The following RP1L1 variants were observed in gnomAD, a reference collection of about 807,000 sequenced individuals.
The protein encoded by RP1L1 is RP1 like 1, also known as retinitis pigmentosa 1-like 1 protein.
RP1L1 carries 27 observed loss-of-function variants against 15.7 expected under a neutral mutation model. The observed-to-expected ratio is 1.72, with a 90% CI of 1.27 to 2.38. The LOEUF (loss-of-function observed/expected upper bound fraction) is 2.38, where lower values mean the gene tolerates loss of function less well. Among genes scored for constraint, RP1L1 ranks in the 30% most tolerant of loss-of-function variants. The probability of loss-of-function intolerance (pLI) is 0.00; values close to 1 mark genes in which losing one functional copy is unlikely to be tolerated. For synonymous variants in RP1L1, 1,813 were observed against 1,276.7 expected (o/e 1.42, Z -8.96); for missense variants, 4,798 against 3,075.9 (o/e 1.56, Z -13.24).
chr8:10,652,486 T>C (rs1376356094), intron 1 of RP1L1, among the ~76,000 whole-genome samples: 1 of 152,174 alleles, frequency 6.6e-6, no homozygotes, highest in African/African-American at 2.4e-5. Context: ...CTAATATTCC[T>C]TCCTGCTGGG....
chr8:10,654,109 A>G (rs1798603877), intron 1 of RP1L1, among the ~76,000 whole-genome samples: 2 of 152,120 alleles, frequency 1.3e-5, no homozygotes, highest in African/African-American at 4.8e-5. Context: ...TGGGCCATGG[A>G]TCTCTGCTCA....
rs1383127074 is a variant in RP1L1, at chr8:10,607,279, AG to A, written c.6818del (p.Pro2273LeufsTer126). On this transcript the variant is annotated frameshift_variant, in exon 4 of 4. Coordinates refer to ENST00000382483, the MANE Select transcript of RP1L1 (RefSeq NM_178857.6). LOFTEE classifies it low-confidence loss of function (END_TRUNC). ...AAGGGGGTGGAGTGGGCCTGTCCTC[AG>A]GGACTGGGCTGCTGCTTTCAGAAGC... ...EEASESSSPV[P>X]EDRPTPPPSP... 2 of 1,614,216 alleles carry A rather than the reference AG, an allele frequency of 1.2e-6. No homozygotes were observed. The highest frequency in any genetic ancestry group is 1.7e-6 in the Non-Finnish European group (2 of 1,180,030).
In RP1L1 at chr8:10,607,273, G is replaced by T; in HGVS notation, c.6825C>A (p.Asp2275Glu). 3 of 1,614,226 alleles carry T rather than the reference G, an allele frequency of 1.9e-6. No individual in the cohort carries two copies. The highest frequency in any genetic ancestry group is 2.5e-6 in the Non-Finnish European group (3 of 1,180,036). The change falls in exon 4 of 4, where the codon GAC becomes GAA. Residue 2275 changes from aspartate to glutamate, a missense_variant. Asp to Glu is a conservative substitution (Grantham distance 45). Transcript: ENST00000382483. Reference sequence around the variant, plus strand: ...CTGGGGAAGGGGGTGGAGTGGGCCTGTCCTCAGGGACTGGGCTGCTGCTTT... The same window carrying T: ...CTGGGGAAGGGGGTGGAGTGGGCCTTTCCTCAGGGACTGGGCTGCTGCTTT... Reference protein sequence around the residue: ...ASESSSPVPEDRPTPPPSPGG... With the variant: ...ASESSSPVPEERPTPPPSPGG...
In RP1L1 at chr8:10,612,595, C is replaced by G; in HGVS notation, c.1503G>C (p.Glu501Asp). ...AERKAGGSLG[E>D]DPGLCIDGAG... Reference sequence around the variant, plus strand: ...CTCCATCTATGCATAGGCCGGGGTCCTCACCCAGGCTCCCTCCAGCTTTCC... The same window carrying G: ...CTCCATCTATGCATAGGCCGGGGTCGTCACCCAGGCTCCCTCCAGCTTTCC... Residue 501 changes from glutamate (E) to aspartate (D), a missense_variant, in exon 4 of 4, where the codon GAG (glutamate) becomes GAC (aspartate). Physicochemically the swap from Glu to Asp is conservative, Grantham distance 45. Transcript: ENST00000382483. 1 of 1,603,626 alleles carries G rather than the reference C, an allele frequency of 6.2e-7. No individual in the cohort carries two copies. The highest frequency in any genetic ancestry group is 8.5e-7 in the Non-Finnish European group (1 of 1,179,476).
At position 10,607,346 on chromosome 8, in the gene RP1L1, C is replaced by A; in HGVS notation, c.6752G>T (p.Gly2251Val). Reference protein sequence around the residue: ...SEGETQGEKKGSPQVSLGDGQ... With the variant: ...SEGETQGEKKVSPQVSLGDGQ... ...ATCTCCTAGACTGACCTGAGGGCTC[C>A]CCTTTTTCTCACCTTGAGTTTCTCC... The change falls in exon 4 of 4, where the codon GGG becomes GTG. Residue 2251 changes from glycine (G) to valine (V), a missense_variant. Transcript: ENST00000382483. 6.2e-7 allele frequency: 1 copy of A among 1,614,130 alleles called. No individual in the cohort carries two copies. The highest frequency in any genetic ancestry group is 8.5e-7 in the Non-Finnish European group (1 of 1,179,978).
intron 1 of RP1L1, among the ~76,000 whole-genome samples, chr8:10,650,969 G>C (rs146364933): frequency 6.6e-6 from 1 of 152,236 alleles, no homozygotes; most frequent in Non-Finnish European, 1.5e-5. Context: ...AAGTGAGCAA[G>C]TGAAAGCTAA....
chr8:10,607,376 G>C lies in RP1L1; in HGVS notation c.6722C>G (p.Ser2241Ter), dbSNP rs1481218758. Reference protein sequence around the residue: ...PEAEGEAQPESEGETQGEKKG... With the variant: ...PEAEGEAQPE ...TTTCTCACCTTGAGTTTCTCCTTCT[G>C]ACTCTGGCTGGGCCTCCCCTTCAGC... The change falls in exon 4 of 4, where the codon TCA becomes TGA. Residue 2241 changes from serine (S) to a stop codon, truncating the protein, a stop_gained. Coordinates refer to ENST00000382483, the MANE Select transcript of RP1L1 (RefSeq NM_178857.6). LOFTEE classifies it low-confidence loss of function (END_TRUNC). The C allele has an allele frequency of 6.2e-7, 1 of 1,613,676 alleles. No individual in the cohort carries two copies. Among genetic ancestry groups the C allele is most frequent in the Admixed American group, 1.7e-5 (1 of 59,966 alleles).
Position 10,608,792 on chromosome 8 carries a change from G to A in RP1L1, c.5306C>T (p.Ala1769Val), listed in dbSNP as rs1370739607. The A allele has an allele frequency of 6.2e-7, 1 of 1,614,122 alleles. No homozygotes were observed. The highest frequency in any genetic ancestry group is 1.7e-5 in the Admixed American group (1 of 60,030). Residue 1769 changes from alanine to valine, a missense_variant, in exon 4 of 4, where the codon GCT becomes GTT. Coordinates refer to ENST00000382483, the MANE Select transcript of RP1L1 (RefSeq NM_178857.6). ...GTGGGTTTTCCCTTCTCTCTCCTGA[G>A]CCATTGCATCTCCCTCTGCCTCCCC... Reference protein sequence around the residue: ...KLGEAEGDAMAQEREGKTHNS... With the variant: ...KLGEAEGDAMVQEREGKTHNS...
chr8:10,623,423 C>T (rs1397265178), intron 1 of RP1L1, among the ~76,000 whole-genome samples: 1 of 152,128 alleles, frequency 6.6e-6, no homozygotes, highest in Non-Finnish European at 1.5e-5. Flanking sequence ...AACTCCAGCC[C>T]CGTGAATTGC....
In RP1L1 at chr8:10,611,824, G is replaced by C; in HGVS notation, c.2274C>G (p.Pro758=). 2 of 1,613,730 alleles carry C rather than the reference G, an allele frequency of 1.2e-6. No individual in the cohort carries two copies. The highest frequency in any genetic ancestry group is 1.1e-5 in the South Asian group (1 of 91,088). The change falls in exon 4 of 4, where the codon CCC becomes CCG. Residue 758 remains proline, a synonymous_variant. Transcript: ENST00000382483. ...CCGCGTCCCCTGCCCACCCGGCAGAGGGAGCGTTGTGCGGGGAGACTCCAG... is the reference window on the plus strand; with the variant it reads ...CCGCGTCCCCTGCCCACCCGGCAGACGGAGCGTTGTGCGGGGAGACTCCAG... ...FVSGVSPHNA[P]SAGWAGDAGS... is the part of the protein sequence containing the mutation.
intron 1 of RP1L1, among the ~76,000 whole-genome samples, chr8:10,624,352 G>A (rs560596035): frequency 3.3e-5 from 5 of 152,244 alleles, no homozygotes; most frequent in African/African-American, 1.2e-4. Flanking sequence ...AATAACAAAT[G>A]TTCTGATGTG....
Position 10,612,392 on chromosome 8 carries a change from C to T in RP1L1, c.1706G>A (p.Ser569Asn), listed in dbSNP as rs780688521. 3.2e-5 allele frequency: 52 copies of T among 1,612,692 alleles called. No homozygotes were observed. The highest frequency in any genetic ancestry group is 4.0e-5 in the Non-Finnish European group (47 of 1,180,042). ...ARAETSQQEA[S>N]EGGDPASPAL... ...TGGAGAAGCGGGGTCGCCTCCCTCG[C>T]TGGCCTCCTGCTGAGAGGTCTCGGC... is the stretch of plus-strand genomic sequence containing the variant. Residue 569 changes from serine (S) to asparagine (N), a missense_variant, in exon 4 of 4, where the codon AGC (serine) becomes AAC (asparagine). By Grantham distance (46) the Ser-to-Asn change is conservative. Transcript: ENST00000382483.
At chr8:10,621,733 A>C (rs770647886) in intron 2 of RP1L1, 4 of 508,224 alleles carry the variant, frequency 7.9e-6, no homozygotes, top group African/African-American at 7.7e-5. Flanking sequence ...TCCATCCTCC[A>C]TTCTGCCGAC....
chr8:10,631,335 GCACACACACGCACACA>G (rs1798243617), intron 1 of RP1L1, among the ~76,000 whole-genome samples: 1 of 17,904 alleles, frequency 5.6e-5, no homozygotes, highest in Non-Finnish European at 2.3e-4. Flanking sequence ...ACACACACAT[GCACACACACGCACACA>G]CATGCACACA....
At chr8:10,644,739 C>T (rs1480798007) in intron 1 of RP1L1, among the ~76,000 whole-genome samples, 1 of 152,212 alleles carries the variant, frequency 6.6e-6, no homozygotes, top group African/African-American at 2.4e-5. Context: ...TCACACCAGC[C>T]ACCCCAGGAA....
At chr8:10,650,796 A>G (rs1251959722) in intron 1 of RP1L1, among the ~76,000 whole-genome samples, 1 of 151,960 alleles carries the variant, frequency 6.6e-6, no homozygotes, top group Non-Finnish European at 1.5e-5. Flanking sequence ...CGAACTCCTG[A>G]CCTCAGGTGA....
chr8:10,632,111 C>T (rs1175009302), intron 1 of RP1L1, among the ~76,000 whole-genome samples: 2 of 152,172 alleles, frequency 1.3e-5, no homozygotes, highest in Admixed American at 6.5e-5. Flanking sequence ...ATGGGGCAAC[C>T]CTGGCCCGGA....
At chr8:10,636,982 G>C (rs1278149507) in intron 1 of RP1L1, among the ~76,000 whole-genome samples, 1 of 152,252 alleles carries the variant, frequency 6.6e-6, no homozygotes, top group African/African-American at 2.4e-5. Context: ...GGCCCTGACA[G>C]CAGGGCTCTA....
At chr8:10,647,210 A>G (rs1308589184) in intron 1 of RP1L1, among the ~76,000 whole-genome samples, 1 of 152,232 alleles carries the variant, frequency 6.6e-6, no homozygotes, top group Non-Finnish European at 1.5e-5. Flanking sequence ...GACTGGTTAC[A>G]AGGCAACCAA....
Sources: allele counts gnomAD v4.1 joint callset (sites outside exome capture counted in the v4.1 genomes callset), GRCh38; gene constraint gnomAD v4.1.1; transcripts MANE v1.5; gene names NCBI Gene and HGNC (gene_info 2026-07-23, HGNC 2026-07-21).